The following STRN variants were observed in gnomAD, a reference collection of about 807,000 sequenced individuals.
STRN encodes protein phosphatase 2 regulatory subunit B'''alpha.
Under a neutral mutation model 96.3 loss-of-function variants are expected in STRN, and 53 were observed. The ratio of observed to expected loss-of-function variants is 0.55; its 90% CI spans 0.44 to 0.69. The LOEUF (loss-of-function observed/expected upper bound fraction) is 0.69, where lower values mean the gene tolerates loss of function less well. STRN is among the 30% of genes least tolerant of loss of function. STRN has a pLI of 0.00. For missense variants in STRN, 987 were observed against 963.9 expected, an observed-to-expected ratio of 1.02 and a Z score of -0.32; for synonymous variants, 428 against 355.9, an observed-to-expected ratio of 1.20 and a Z score of -2.28.
At chr2:36,885,011 A>G (rs1669182713) in intron 8 of STRN, among the ~76,000 whole-genome samples, 1 of 152,152 alleles carries the variant, frequency 6.6e-6, no homozygotes, top group Non-Finnish European at 1.5e-5. Flanking sequence ...TCAATGAAAG[A>G]TGTTAAAATT....
intron 1 of STRN, among the ~76,000 whole-genome samples, chr2:36,952,097 C>A (rs182615258): frequency 6.6e-6 from 1 of 152,248 alleles, no homozygotes; most frequent in Admixed American, 6.5e-5. Flanking sequence ...AATGACAATA[C>A]AAAACTCGAA....
At chr2:36,901,153 C>A (rs1307697107) in intron 5 of STRN, among the ~76,000 whole-genome samples, 1 of 152,146 alleles carries the variant, frequency 6.6e-6, no homozygotes, top group Non-Finnish European at 1.5e-5. Context: ...GCAACAGTAT[C>A]TTTGTCATTC....
Position 36,846,398 on chromosome 2 carries a change from T to C in STRN, c.*3058A>G. On this transcript the variant is annotated 3_prime_UTR_variant, in exon 18 of 18. Transcript: ENST00000263918. ...AATGCACCTATGGTTTATATATATA[T>C]ATATATATATATATATATATATATA... 2.4e-5 allele frequency: 1 copy of C among 40,854 alleles called. No individual in the cohort carries two copies. Among genetic ancestry groups the C allele is most frequent in the East Asian group, 5.4e-4 (1 of 1,840 alleles). 2.5% of individuals were successfully genotyped at this position (40,854 alleles called of 1,614,324 possible). A position where few individuals can be genotyped will look rare whatever the true frequency, so the allele number is the denominator to read the frequency against.
intron 3 of STRN, among the ~76,000 whole-genome samples, chr2:36,907,724 G>A (rs1402054932): frequency 6.6e-6 from 1 of 152,100 alleles, no homozygotes; most frequent in Non-Finnish European, 1.5e-5. Context: ...AATTGTAAGT[G>A]TTGAATTTCT....
rs992523514 is a variant in STRN at position 36,884,069 on chromosome 2, T to G, written c.1049A>C (p.Asn350Thr). ...AAGCATATCTTGTAGTTTTGACCTA[T>G]TGGGCCCTAGCCAAAAAAAGGGGGG... ...RKGKKGVKRPNRSKLQDMLAN... is the reference protein window; with the variant it reads ...RKGKKGVKRPTRSKLQDMLAN... Residue 350 changes from asparagine to threonine, a missense_variant, in exon 9 of 18, where the codon AAT becomes ACT. Asn to Thr is a moderately conservative substitution (Grantham distance 65, BLOSUM62 0). Coordinates refer to ENST00000263918, the MANE Select transcript of STRN (RefSeq NM_003162.4). 7.4e-7 allele frequency: 1 copy of G among 1,346,642 alleles called. No individual in the cohort carries two copies. The highest frequency in any genetic ancestry group is 9.6e-7 in the Non-Finnish European group (1 of 1,039,742). 83.4% of individuals were successfully genotyped at this position (1,346,642 alleles called of 1,614,324 possible). A position where few individuals can be genotyped will look rare whatever the true frequency, so the allele number is the denominator to read the frequency against.
rs1668146924 is a variant in STRN, at chr2:36,848,873, C to T, written c.*583G>A. ...ATTTAACATATTATTGCATTTTTCT[C>T]CCCCTAACAGGTAAAATGCTTTGCC... On this transcript the variant is annotated 3_prime_UTR_variant, in exon 18 of 18. Coordinates refer to ENST00000263918, the MANE Select transcript of STRN (RefSeq NM_003162.4). The T allele has an allele frequency of 6.6e-6, 1 of 152,606 alleles. No homozygotes were observed. Among genetic ancestry groups the T allele is most frequent in the Non-Finnish European group, 1.5e-5 (1 of 68,094 alleles). 9.5% of individuals were successfully genotyped at this position (152,606 alleles called of 1,614,324 possible).
intron 1 of STRN, among the ~76,000 whole-genome samples, chr2:36,945,321 T>C (rs1040936819): frequency 6.6e-6 from 1 of 152,224 alleles, no homozygotes; most frequent in Non-Finnish European, 1.5e-5. Flanking sequence ...AACTTAATTC[T>C]CTGTACCTGA....
At chr2:36,902,272 G>A (rs1053347438) in intron 5 of STRN, among the ~76,000 whole-genome samples, 4 of 152,118 alleles carry the variant, frequency 2.6e-5, no homozygotes, top group Non-Finnish European at 5.9e-5. Flanking sequence ...ATCATGAAAC[G>A]TCATTCTTAC....
In STRN at chr2:36,867,940, T is replaced by C. The variant is rs1177039842; in HGVS notation, c.1500-79A>G. On this transcript the variant is annotated intron_variant, in intron 11 of 17. Coordinates refer to ENST00000263918, the MANE Select transcript of STRN (RefSeq NM_003162.4). Reference sequence around the variant, plus strand: ...TAAACATATGTCATAAAATTGTCTTTAAAAATACAAACATTATGGGAATAT... The same window carrying C: ...TAAACATATGTCATAAAATTGTCTTCAAAAATACAAACATTATGGGAATAT... 7.8e-6 allele frequency: 9 copies of C among 1,158,168 alleles called. No homozygotes were observed. The Admixed American group carries it at 2.2e-4, about 28-fold the overall frequency. 71.7% of individuals were successfully genotyped at this position (1,158,168 alleles called of 1,614,324 possible).
At chr2:36,933,034 C>T (rs2148242171) in intron 1 of STRN, among the ~76,000 whole-genome samples, 1 of 147,698 alleles carries the variant, frequency 6.8e-6, no homozygotes, top group Middle Eastern at 3.4e-3. Context: ...GCTCAAAGGG[C>T]TAGAAATTCC....
chr2:36,938,742 T>C (rs1670768183), intron 1 of STRN, among the ~76,000 whole-genome samples: 1 of 152,240 alleles, frequency 6.6e-6, no homozygotes. Flanking sequence ...CTTTTAAGAC[T>C]CTTAATGACA....
intron 7 of STRN, among the ~76,000 whole-genome samples, chr2:36,889,034 C>T (rs1020786967): frequency 4.6e-5 from 7 of 152,164 alleles, no homozygotes; most frequent in African/African-American, 1.2e-4. Context: ...ACACTGACCC[C>T]AGCTCTCTCT....
intron 1 of STRN, among the ~76,000 whole-genome samples, chr2:36,930,316 C>G (rs1178043683): frequency 6.6e-6 from 1 of 151,860 alleles, no homozygotes; most frequent in African/African-American, 2.4e-5. Flanking sequence ...CCTGTAGTCC[C>G]AGCTACTCAG....
At position 36,843,992 on chromosome 2, in the gene STRN, A is replaced by G. The variant is rs1395290965; in HGVS notation, c.*5464T>C. The G allele has an allele frequency of 6.6e-6, 1 of 152,154 alleles. No individual in the cohort carries two copies. Among genetic ancestry groups the G allele is most frequent in the African/African-American group, 2.4e-5 (1 of 41,442 alleles). The allele number at this position is 152,154 out of a possible 1,614,324, so 9.4% of individuals were successfully genotyped here. On this transcript the variant is annotated 3_prime_UTR_variant, in exon 18 of 18. Coordinates refer to ENST00000263918, the MANE Select transcript of STRN (RefSeq NM_003162.4). ...ACCTGAAGATCAAACAATCTGGCCC[A>G]GGGCTCACCAGCTGGAGGACTGGGT...
In STRN at chr2:36,925,017, T is replaced by A. The variant is rs1024345270; in HGVS notation, c.338+88A>T. ...GTCGCGGTGAGCCAAGATCGTACCA[T>A]TGCACCCCAGCCTGGGCAACAAGAA... On this transcript the variant is annotated intron_variant, in intron 2 of 17. Transcript: ENST00000263918. 2.5e-6 allele frequency: 3 copies of A among 1,203,098 alleles called. No individual in the cohort carries two copies. In the Admixed American group the frequency reaches 5.3e-5, roughly 21 times the overall value. The allele number at this position is 1,203,098 out of a possible 1,614,324, so 74.5% of individuals were successfully genotyped here. A position where few individuals can be genotyped will look rare whatever the true frequency, so the allele number is the denominator to read the frequency against.
intron 3 of STRN, 76 bp downstream of exon 3, chr2:36,916,002 C>G: frequency 7.9e-7 from 1 of 1,270,598 alleles, no homozygotes. Context: ...AAGTAACTTA[C>G]AGTTGTAAAT....
chr2:36,910,166 T>C (rs1376230282), intron 3 of STRN, among the ~76,000 whole-genome samples: 4 of 142,454 alleles, frequency 2.8e-5, no homozygotes, highest in Non-Finnish European at 4.5e-5. Context: ...AGAGCGAGAC[T>C]TTGTCTCAAA....
chr2:36,887,246 G>A lies in STRN; in HGVS notation c.932-420C>T, dbSNP rs562402280. On this transcript the variant is annotated intron_variant, in intron 7 of 17. Coordinates refer to ENST00000263918, the MANE Select transcript of STRN (RefSeq NM_003162.4). ...GAGTTCAAGACCAGCCTGACCAACA[G>A]GTGAAACCCCATTTCTAGTAAAATA... Among the ~76,000 whole-genome samples, 185 of 148,298 alleles carry A rather than the reference G, an allele frequency of 1.2e-3. 1 individual carries two copies. Among genetic ancestry groups the A allele is most frequent in the African/African-American group, 4.0e-3 (160 of 40,336 alleles).
intron 9 of STRN, among the ~76,000 whole-genome samples, chr2:36,880,307 T>C (rs1214164785): frequency 6.6e-6 from 1 of 152,130 alleles, no homozygotes; most frequent in African/African-American, 2.4e-5. Flanking sequence ...AGCATGGTGG[T>C]GCATGCCTCT....
Sources: gnomAD v4.1 joint callset for allele counts (sites outside exome capture counted in the v4.1 genomes callset) on GRCh38, gnomAD v4.1.1 for gene constraint, MANE v1.5 for transcripts, NCBI Gene and HGNC (gene_info 2026-07-23, HGNC 2026-07-21) for gene names.